Variants in PCCA observed in about 807,000 individuals in gnomAD.
PCCA encodes the protein propionyl-CoA carboxylase alpha chain, mitochondrial.
Under a neutral mutation model 101.3 loss-of-function variants are expected in PCCA, and 74 were observed. That is an observed-to-expected ratio of 0.73 (90% CI 0.61 to 0.89). The LOEUF (loss-of-function observed/expected upper bound fraction) is 0.89, where lower values mean the gene tolerates loss of function less well. Among genes scored for constraint, PCCA ranks in the 40% least tolerant of loss-of-function variants. The probability of loss-of-function intolerance (pLI) is 0.00; values close to 1 mark genes in which losing one functional copy is unlikely to be tolerated. For synonymous variants in PCCA, 294 were observed against 313.6 expected, an observed-to-expected ratio of 0.94 and a Z score of 0.66; for missense variants, 891 against 907.0, an observed-to-expected ratio of 0.98 and a Z score of 0.23.
At chr13:100,251,486 G>T (rs775632735) in intron 8 of PCCA, among the ~76,000 whole-genome samples, 3 of 152,082 alleles carry the variant, frequency 2.0e-5, no homozygotes, top group Non-Finnish European at 2.9e-5. Context: ...GGCAGTTTCA[G>T]CCACTGCAGA....
At chr13:100,150,311 C>T (rs953704374) in intron 4 of PCCA, among the ~76,000 whole-genome samples, 11 of 152,176 alleles carry the variant, frequency 7.2e-5, no homozygotes, top group African/African-American at 1.7e-4. Context: ...GGATTGCAGG[C>T]GTGAGCTACT....
intron 7 of PCCA, among the ~76,000 whole-genome samples, chr13:100,221,940 T>C (rs1353215704): frequency 6.6e-6 from 1 of 152,020 alleles, no homozygotes; most frequent in Non-Finnish European, 1.5e-5. Flanking sequence ...TTTCGCCATA[T>C]TGGCCAGGCT....
intron 19 of PCCA, among the ~76,000 whole-genome samples, chr13:100,382,770 ATAAAT>A (rs137984531): frequency 0.014 from 2,080 of 152,334 alleles, 44 homozygotes; most frequent in African/African-American, 0.046. Flanking sequence ...CAGGGAAAAA[ATAAAT>A]TAAAGGCAGT....
intron 21 of PCCA, chr13:100,473,399 G>A (rs1314326074): frequency 2.0e-5 from 3 of 152,192 alleles, no homozygotes; most frequent in Non-Finnish European, 2.9e-5. Context: ...ACTTTGATTG[G>A]AATTTTGAGT....
At chr13:100,390,049 G>A (rs2076725184) in intron 19 of PCCA, among the ~76,000 whole-genome samples, 1 of 152,054 alleles carries the variant, frequency 6.6e-6, no homozygotes, top group Non-Finnish European at 1.5e-5. Flanking sequence ...CAAGTATTTT[G>A]GAGAAAAAAT....
chr13:100,240,046 A>G lies in PCCA; in HGVS notation c.637+4168A>G, dbSNP rs9557402. On this transcript the variant is annotated intron_variant, in intron 8 of 23. Coordinates refer to ENST00000376285, the MANE Select transcript of PCCA (RefSeq NM_000282.4). Reference sequence around the variant, plus strand: ...CATTACTACCACTCTCCTCCAAACTACTTTTGTCTTTTGCAGGGACTGTGG... The same window carrying G: ...CATTACTACCACTCTCCTCCAAACTGCTTTTGTCTTTTGCAGGGACTGTGG... 6.6e-5 allele frequency among the ~76,000 whole-genome samples: 10 copies of G among 152,024 alleles called. No homozygotes were observed. The East Asian group carries it at 1.7e-3, about 27-fold the overall frequency.
intron 8 of PCCA, among the ~76,000 whole-genome samples, chr13:100,244,271 T>G (rs1445890146): frequency 1.3e-5 from 2 of 152,328 alleles, no homozygotes; most frequent in Admixed American, 1.3e-4. Flanking sequence ...AGTGATGTGG[T>G]CATTTGAGAT....
chr13:100,253,234 C>G (rs137974868), intron 8 of PCCA, among the ~76,000 whole-genome samples: 5,333 of 152,198 alleles, frequency 0.035, 130 homozygotes, highest in Non-Finnish European at 0.051. Flanking sequence ...AGCTGTCCCC[C>G]CAGCTCAGCC....
chr13:100,396,656 T>C (rs903067705), intron 19 of PCCA, among the ~76,000 whole-genome samples: 2 of 152,164 alleles, frequency 1.3e-5, no homozygotes, highest in Non-Finnish European at 2.9e-5. Context: ...ATAATAAAAA[T>C]AAGACAAAAA....
At chr13:100,284,246 G>A (rs995647137) in intron 12 of PCCA, among the ~76,000 whole-genome samples, 18 of 152,198 alleles carry the variant, frequency 1.2e-4, no homozygotes, top group Admixed American at 1.2e-3. Flanking sequence ...GTGCCTGAAA[G>A]TCCCACACCT....
intron 18 of PCCA, among the ~76,000 whole-genome samples, chr13:100,352,145 G>A (rs2073341684): frequency 6.6e-6 from 1 of 152,226 alleles, no homozygotes; most frequent in South Asian, 2.1e-4. Context: ...AAGCAAAATG[G>A]TAGATGTAAA....
At chr13:100,495,395 T>C (rs1020728493) in intron 21 of PCCA, among the ~76,000 whole-genome samples, 5 of 152,202 alleles carry the variant, frequency 3.3e-5, no homozygotes, top group Non-Finnish European at 7.3e-5. Flanking sequence ...ACGCTACTGC[T>C]GCTGATGGTG....
chr13:100,311,725 G>A (rs1010482984), intron 16 of PCCA, among the ~76,000 whole-genome samples: 10 of 152,000 alleles, frequency 6.6e-5, no homozygotes, highest in Non-Finnish European at 1.2e-4. Flanking sequence ...AGATGAGATC[G>A]CGCCATCACA....
intron 17 of PCCA, among the ~76,000 whole-genome samples, chr13:100,336,378 C>T (rs143172997): frequency 1.7e-3 from 253 of 152,302 alleles, no homozygotes; most frequent in Non-Finnish European, 3.0e-3. Flanking sequence ...GGGAAATACA[C>T]AGGTCAGGCT....
intron 7 of PCCA, among the ~76,000 whole-genome samples, chr13:100,219,437 A>G (rs2059692190): frequency 4.6e-5 from 7 of 152,172 alleles, no homozygotes; most frequent in Admixed American, 4.6e-4. Flanking sequence ...TTCTGTTTAC[A>G]CGGGAGATTT....
intron 6 of PCCA, among the ~76,000 whole-genome samples, chr13:100,175,968 G>A (rs1002782008): frequency 6.6e-6 from 1 of 152,176 alleles, no homozygotes; most frequent in African/African-American, 2.4e-5. Context: ...GGATCTACCT[G>A]GTTCCTGTAC....
chr13:100,098,678 G>C (rs941975916), intron 1 of PCCA, among the ~76,000 whole-genome samples: 1 of 152,208 alleles, frequency 6.6e-6, no homozygotes, highest in Non-Finnish European at 1.5e-5. Flanking sequence ...CCTGGCGGAA[G>C]AGTCAAGGGT....
intron 12 of PCCA, among the ~76,000 whole-genome samples, chr13:100,273,999 A>G (rs1441550137): frequency 6.6e-6 from 1 of 152,196 alleles, no homozygotes; most frequent in Non-Finnish European, 1.5e-5. Context: ...AATTGAATGT[A>G]TTATTATAAA....
chr13:100,105,455 G>A lies in PCCA; in HGVS notation c.183+2495G>A, dbSNP rs1253132966. Among the ~76,000 whole-genome samples, 4 of 152,162 alleles carry A rather than the reference G, an allele frequency of 2.6e-5. No individual in the cohort carries two copies. In the East Asian group the frequency reaches 7.7e-4, roughly 29 times the overall value. ...TTTGTTGAAGAGGACACATTATAGA[G>A]GGGTGGAATACTACAAACGGTTCAG... On this transcript the variant is annotated intron_variant, in intron 2 of 23. Coordinates refer to ENST00000376285, the MANE Select transcript of PCCA (RefSeq NM_000282.4).
Sources: allele counts gnomAD v4.1 joint callset (sites outside exome capture counted in the v4.1 genomes callset), GRCh38; gene constraint gnomAD v4.1.1; transcripts MANE v1.5; gene names NCBI Gene and HGNC (gene_info 2026-07-23, HGNC 2026-07-21).